The following CLSTN2 variants were observed in gnomAD, a reference collection of about 807,000 sequenced individuals.
CLSTN2 encodes calsyntenin-2.
In CLSTN2, 48 loss-of-function variants were observed where a neutral mutation model predicts 101.2. The ratio of observed to expected loss-of-function variants is 0.47; its 90% confidence interval spans 0.38 to 0.60. The LOEUF is 0.60. Ranked by LOEUF, CLSTN2 falls within the 20% of genes least tolerant of loss-of-function variation. The probability of loss-of-function intolerance (pLI) is 0.00; values close to 1 mark genes in which losing one functional copy is unlikely to be tolerated. For missense variants in CLSTN2, 1,160 were observed against 1,238.2 expected, an observed-to-expected ratio of 0.94 and a Z score of 0.95; for synonymous variants, 481 against 463.6, an observed-to-expected ratio of 1.04 and a Z score of -0.48.
intron 2 of CLSTN2, among the ~76,000 whole-genome samples, chr3:140,205,014 G>A (rs895031848): frequency 2.0e-5 from 3 of 152,172 alleles, no homozygotes; most frequent in Non-Finnish European, 4.4e-5. Context: ...AGGGGTGAGG[G>A]GAGGTGGGTC....
chr3:140,300,003 T>TC (rs2087043168), intron 2 of CLSTN2, among the ~76,000 whole-genome samples: 1 of 152,132 alleles, frequency 6.6e-6, no homozygotes, highest in Non-Finnish European at 1.5e-5. Context: ...AAGAATAACT[T>TC]CCGAATTGTG....
intron 1 of CLSTN2, among the ~76,000 whole-genome samples, chr3:140,069,783 C>T (rs1425274828): frequency 6.6e-6 from 1 of 152,132 alleles, no homozygotes; most frequent in Admixed American, 6.5e-5. Context: ...GAGGCTAGGA[C>T]TACAGGGTTG....
chr3:140,496,598 G>A lies in CLSTN2; in HGVS notation c.1344+29867G>A, dbSNP rs547288286. Among the ~76,000 whole-genome samples, 27 of 152,320 alleles carry A rather than the reference G, an allele frequency of 1.8e-4. No homozygotes were observed. In the South Asian group the frequency reaches 5.4e-3, roughly 30 times the overall value. On this transcript the variant is annotated intron_variant, in intron 8 of 16. Transcript: ENST00000458420. ...CCATTCAGTATGATATTGGCTGTGT[G>A]TTTGTCATAGATGGCTCTTAGTATT...
intron 1 of CLSTN2, among the ~76,000 whole-genome samples, chr3:140,104,569 A>G (rs2009021416): frequency 6.6e-6 from 1 of 152,250 alleles, no homozygotes; most frequent in South Asian, 2.1e-4. Flanking sequence ...CTTATACAAA[A>G]TGCTCGCTGA....
intron 4 of CLSTN2, among the ~76,000 whole-genome samples, chr3:140,416,144 A>G (rs2088429773): frequency 6.6e-6 from 1 of 152,228 alleles, no homozygotes; most frequent in Admixed American, 6.5e-5. Context: ...TTGTATGTGA[A>G]ATCTTAAAAG....
At chr3:140,275,121 C>T (rs530071746) in intron 2 of CLSTN2, among the ~76,000 whole-genome samples, 4 of 152,256 alleles carry the variant, frequency 2.6e-5, no homozygotes, top group Non-Finnish European at 2.9e-5. Context: ...AGCCTCAGAT[C>T]GGGGCAACTC....
intron 1 of CLSTN2, among the ~76,000 whole-genome samples, chr3:140,103,452 T>C (rs1225844053): frequency 6.6e-6 from 1 of 152,220 alleles, no homozygotes. Flanking sequence ...ACGACTGCCA[T>C]AGTGCCTCCA....
chr3:140,397,134 A>C (rs2088191726), intron 2 of CLSTN2, among the ~76,000 whole-genome samples: 1 of 152,206 alleles, frequency 6.6e-6, no homozygotes, highest in African/African-American at 2.4e-5. Context: ...TGGAAAAAAA[A>C]ACAAATTAGT....
chr3:140,109,806 C>T (rs529663786), intron 1 of CLSTN2, among the ~76,000 whole-genome samples: 8 of 152,224 alleles, frequency 5.3e-5, no homozygotes, highest in African/African-American at 1.4e-4. Context: ...TTGGATTTTG[C>T]GTGATCTAGT....
At chr3:140,071,704 G>A (rs1560086154) in intron 1 of CLSTN2, among the ~76,000 whole-genome samples, 3 of 152,018 alleles carry the variant, frequency 2.0e-5, no homozygotes, top group Non-Finnish European at 4.4e-5. Context: ...GGTGGCGGGC[G>A]CCTGTAGTCC....
intron 4 of CLSTN2, among the ~76,000 whole-genome samples, chr3:140,420,528 G>A (rs927222586): frequency 6.6e-6 from 1 of 152,120 alleles, no homozygotes; most frequent in African/African-American, 2.4e-5. Context: ...TCAGAAAAAA[G>A]TTACTTGGTC....
intron 2 of CLSTN2, among the ~76,000 whole-genome samples, chr3:140,261,697 T>C (rs1356867573): frequency 3.3e-5 from 5 of 152,216 alleles, no homozygotes; most frequent in African/African-American, 1.2e-4. Flanking sequence ...ATCTACATAT[T>C]GTACGTGTGT....
chr3:140,235,959 A>G (rs1404809606), intron 2 of CLSTN2, among the ~76,000 whole-genome samples: 2 of 152,158 alleles, frequency 1.3e-5, no homozygotes, highest in Non-Finnish European at 2.9e-5. Flanking sequence ...TTTGTCATGG[A>G]TGGTGACTGT....
In CLSTN2 at chr3:140,562,829, G is replaced by T. The variant is rs201920134; in HGVS notation, c.2231G>T (p.Arg744Leu). The T allele has an allele frequency of 4.3e-6, 7 of 1,613,840 alleles. No homozygotes were observed. Among genetic ancestry groups the T allele is most frequent in the African/African-American group, 2.7e-5 (2 of 74,906 alleles). Residue 744 changes from arginine (R) to leucine (L), a missense_variant, in exon 14 of 17, where the codon CGC becomes CTC. Coordinates refer to ENST00000458420, the MANE Select transcript of CLSTN2 (RefSeq NM_022131.3). ...GGCACAGGTGTGGGCTCCATGAGCCGCTATGAGCAGGTGCTACATCACATC... is the reference window on the plus strand; with the variant it reads ...GGCACAGGTGTGGGCTCCATGAGCCTCTATGAGCAGGTGCTACATCACATC... ...YSIYGVGSMSRYEQVLHHIRY... is the reference protein window; with the variant it reads ...YSIYGVGSMSLYEQVLHHIRY...
At chr3:140,284,252 A>G (rs2086875979) in intron 2 of CLSTN2, among the ~76,000 whole-genome samples, 1 of 152,078 alleles carries the variant, frequency 6.6e-6, no homozygotes, top group Admixed American at 6.5e-5. Context: ...ATTTTTTTTA[A>G]AAAATACAAG....
chr3:139,978,423 A>G (rs1027267360), intron 1 of CLSTN2, among the ~76,000 whole-genome samples: 3 of 152,182 alleles, frequency 2.0e-5, no homozygotes, highest in East Asian at 1.9e-4. Context: ...GCTTAGTCTT[A>G]TTATTGTTGC....
At chr3:140,534,344 T>C (rs1293232800) in intron 9 of CLSTN2, among the ~76,000 whole-genome samples, 1 of 152,150 alleles carries the variant, frequency 6.6e-6, no homozygotes, top group Non-Finnish European at 1.5e-5. Context: ...CACCCCAGTG[T>C]GCAATGGAAA....
intron 1 of CLSTN2, among the ~76,000 whole-genome samples, chr3:140,114,973 G>A (rs775433102): frequency 6.6e-5 from 10 of 152,116 alleles, no homozygotes; most frequent in Non-Finnish European, 1.3e-4. Flanking sequence ...CTGACACCTC[G>A]ACTTTTGCCA....
At chr3:140,324,764 A>G (rs879551924) in intron 2 of CLSTN2, among the ~76,000 whole-genome samples, 3 of 152,262 alleles carry the variant, frequency 2.0e-5, no homozygotes, top group Non-Finnish European at 4.4e-5. Flanking sequence ...CTCAGACTGT[A>G]TGTGAAAATC....
Sources: gnomAD v4.1 joint callset for allele counts (sites outside exome capture counted in the v4.1 genomes callset) on GRCh38, gnomAD v4.1.1 for gene constraint, MANE v1.5 for transcripts, NCBI Gene and HGNC (gene_info 2026-07-23, HGNC 2026-07-21) for gene names.